The following CDH18 variants were observed in gnomAD, a reference collection of about 807,000 sequenced individuals.
CDH18 encodes cadherin-18.
In CDH18, 31 loss-of-function variants were observed where a neutral mutation model predicts 67.9. The observed-to-expected ratio is 0.46, with a 90% CI of 0.34 to 0.62. The LOEUF (loss-of-function observed/expected upper bound fraction) is 0.62. Ranked by LOEUF, CDH18 falls within the 20% of genes least tolerant of loss-of-function variation. CDH18 has a pLI of 0.01. For missense variants in CDH18, 890 were observed against 975.5 expected (o/e 0.91, Z 1.17); for synonymous variants, 362 against 347.2 (o/e 1.04, Z -0.48).
intron 9 of CDH18, among the ~76,000 whole-genome samples, chr5:19,526,881 T>C (rs1286907547): frequency 6.6e-6 from 1 of 151,982 alleles, no homozygotes; most frequent in Non-Finnish European, 1.5e-5. Context: ...TCTACTACTA[T>C]AATAAAAATT....
At chr5:20,150,752 G>C (rs1042058248) in intron 2 of CDH18, among the ~76,000 whole-genome samples, 1 of 151,962 alleles carries the variant, frequency 6.6e-6, no homozygotes. Context: ...TTTCTATGGA[G>C]ACTCTTAACT....
chr5:20,114,035 GT>G, intron 2 of CDH18, among the ~76,000 whole-genome samples: 1 of 152,272 alleles, frequency 6.6e-6, no homozygotes, highest in South Asian at 2.1e-4. Context: ...GTTTGCTGTT[GT>G]TTTGGGGGTT....
intron 2 of CDH18, among the ~76,000 whole-genome samples, chr5:20,033,603 C>G (rs1483967642): frequency 1.3e-5 from 2 of 152,008 alleles, no homozygotes; most frequent in Admixed American, 6.6e-5. Flanking sequence ...AGTCAAATCT[C>G]TTATTGAAGA....
chr5:19,627,382 C>T lies in CDH18; in HGVS notation c.644-14781G>A, dbSNP rs80008348. Among the ~76,000 whole-genome samples the T allele has an allele frequency of 8.5e-5, 13 of 152,288 alleles. No homozygotes were observed. In the East Asian group the frequency reaches 2.1e-3, roughly 25 times the overall value. On this transcript the variant is annotated intron_variant, in intron 5 of 12. Transcript: ENST00000382275. ...ACGTAAGTAAAAATATTAGCCAATA[C>T]CTAAGCCAGAACAAAACTTACTTGC... is the stretch of plus-strand genomic sequence containing the variant.
intron 2 of CDH18, among the ~76,000 whole-genome samples, chr5:19,958,379 C>CAAAAAAAAAA (rs57913629): frequency 1.5e-5 from 1 of 66,630 alleles, no homozygotes; most frequent in Non-Finnish European, 2.9e-5. Flanking sequence ...TTTCCTTCAC[C>CAAAAAAAAAA]AAAAAAAAAA....
chr5:19,511,945 G>A (rs199886276), intron 10 of CDH18, among the ~76,000 whole-genome samples: 3 of 152,124 alleles, frequency 2.0e-5, no homozygotes, highest in East Asian at 3.9e-4. Context: ...TGTCAGAGGT[G>A]TCCTCGGCAG....
intron 5 of CDH18, among the ~76,000 whole-genome samples, chr5:19,636,263 T>C (rs1489168355): frequency 6.6e-6 from 1 of 152,120 alleles, no homozygotes; most frequent in Non-Finnish European, 1.5e-5. Context: ...ATTAATCATG[T>C]ACAGTATGAT....
intron 1 of CDH18, among the ~76,000 whole-genome samples, chr5:20,372,119 CTTTAG>C (rs1743054308): frequency 6.6e-6 from 1 of 152,092 alleles, no homozygotes; most frequent in African/African-American, 2.4e-5. Flanking sequence ...AGCTCTGTAA[CTTTAG>C]TTTACGCTTT....
chr5:20,286,350 A>C (rs1746694940), intron 1 of CDH18, among the ~76,000 whole-genome samples: 1 of 151,676 alleles, frequency 6.6e-6, no homozygotes, highest in African/African-American at 2.4e-5. Flanking sequence ...GCTGCTACTT[A>C]TAATAATAGC....
intron 1 of CDH18, among the ~76,000 whole-genome samples, chr5:20,273,508 C>T (rs965114713): frequency 6.6e-6 from 1 of 152,024 alleles, no homozygotes; most frequent in Admixed American, 6.6e-5. Context: ...AGTATTACTG[C>T]TGTCAATTGA....
intron 4 of CDH18, among the ~76,000 whole-genome samples, chr5:19,735,009 G>A (rs191556377): frequency 1.3e-5 from 2 of 152,280 alleles, no homozygotes; most frequent in East Asian, 3.9e-4. Context: ...GTTGCAAGCT[G>A]TCCTCCCTCG....
chr5:19,694,495 C>T (rs1401006565), intron 5 of CDH18, among the ~76,000 whole-genome samples: 1 of 152,132 alleles, frequency 6.6e-6, no homozygotes, highest in Non-Finnish European at 1.5e-5. Flanking sequence ...TCTTAAATCA[C>T]ACTTACGAAG....
intron 3 of CDH18, among the ~76,000 whole-genome samples, chr5:19,816,981 A>G (rs1325812278): frequency 6.6e-6 from 1 of 151,868 alleles, no homozygotes; most frequent in East Asian, 1.9e-4. Flanking sequence ...TATCACTGAC[A>G]AAGAACTACT....
intron 3 of CDH18, among the ~76,000 whole-genome samples, chr5:19,790,834 G>A (rs79258803): frequency 9.1e-4 from 138 of 152,208 alleles, no homozygotes; most frequent in East Asian, 3.1e-3. Context: ...TTAGAGTGGA[G>A]AAGGTTGAAA....
At chr5:19,517,560 G>A (rs1579954386) in intron 10 of CDH18, among the ~76,000 whole-genome samples, 1 of 151,952 alleles carries the variant, frequency 6.6e-6, no homozygotes, top group South Asian at 2.1e-4. Context: ...TTTGATTGTG[G>A]TATCACCTAT....
chr5:19,829,316 T>C (rs1174225473), intron 3 of CDH18, among the ~76,000 whole-genome samples: 2 of 152,192 alleles, frequency 1.3e-5, no homozygotes, highest in Non-Finnish European at 2.9e-5. Context: ...GAAAACCCTA[T>C]AGTCTTTGTC....
intron 3 of CDH18, among the ~76,000 whole-genome samples, chr5:19,770,052 A>G (rs1773556723): frequency 6.6e-6 from 1 of 152,076 alleles, no homozygotes; most frequent in African/African-American, 2.4e-5. Context: ...TAGGAGAGCT[A>G]AAGTTTTTAA....
chr5:20,367,919 G>A (rs1050607540), intron 1 of CDH18, among the ~76,000 whole-genome samples: 3 of 152,064 alleles, frequency 2.0e-5, no homozygotes, highest in Non-Finnish European at 2.9e-5. Context: ...ACAATCAACC[G>A]GGAAGATTTT....
chr5:19,987,295 A>C (rs2150377862), intron 1 of CDH18, among the ~76,000 whole-genome samples: 1 of 145,476 alleles, frequency 6.9e-6, no homozygotes, highest in Admixed American at 6.7e-5. Context: ...CACACGCATA[A>C]GGCATAATTT....
Sources: gnomAD v4.1 joint callset for allele counts (sites outside exome capture counted in the v4.1 genomes callset) on GRCh38, gnomAD v4.1.1 for gene constraint, MANE v1.5 for transcripts, NCBI Gene and HGNC (gene_info 2026-07-23, HGNC 2026-07-21) for gene names.